Variants in OTOA observed in about 807,000 individuals in gnomAD.
The protein encoded by OTOA is otoancorin.
OTOA carries 70 observed loss-of-function variants against 110.8 expected under a neutral mutation model. That is an observed-to-expected ratio of 0.63 (90% confidence interval 0.52 to 0.77). The LOEUF (loss-of-function observed/expected upper bound fraction) is 0.77. Among genes scored for constraint, OTOA ranks in the 30% least tolerant of loss-of-function variants. The probability of loss-of-function intolerance (pLI) is 0.00; values close to 1 mark genes in which losing one functional copy is unlikely to be tolerated. For missense variants in OTOA, 917 were observed against 1,075.8 expected, an observed-to-expected ratio of 0.85 and a Z score of 2.06; for synonymous variants, 373 against 431.5, an observed-to-expected ratio of 0.86 and a Z score of 1.68.
At chr16:21,731,737 T>C (rs1044315901) in intron 21 of OTOA, among the ~76,000 whole-genome samples, 1 of 152,058 alleles carries the variant, frequency 6.6e-6, no homozygotes, top group African/African-American at 2.4e-5. Context: ...AGTGAATGTT[T>C]GCTGAATGAC....
chr16:21,718,146 C>G lies in OTOA; in HGVS notation c.1630-987C>G, dbSNP rs945030086. The stretch of plus-strand genomic sequence containing the variant: ...CTAATTTTTGTATTTTTTATAGAGA[C>G]AGGGTTTCACCATGTTGGCCAGGCT... On this transcript the variant is annotated intron_variant, in intron 15 of 28. Transcript: ENST00000646100. Among the ~76,000 whole-genome samples, 48 of 152,196 alleles carry G rather than the reference C, an allele frequency of 3.2e-4. 1 individual carries two copies. The Middle Eastern group carries it at 0.01, about 32-fold the overall frequency.
At chr16:21,671,682 A>T (rs1966849384) in intron 1 of OTOA, among the ~76,000 whole-genome samples, 1 of 152,064 alleles carries the variant, frequency 6.6e-6, no homozygotes, top group South Asian at 2.1e-4. Flanking sequence ...GTGATTCAGA[A>T]CAGGTGACTG....
chr16:21,668,214 T>A (rs1966844505), intron 1 of OTOA, among the ~76,000 whole-genome samples: 1 of 152,028 alleles, frequency 6.6e-6, no homozygotes, highest in Admixed American at 6.6e-5. Flanking sequence ...GCTCAAGAGA[T>A]CCTCCCATCT....
intron 21 of OTOA, among the ~76,000 whole-genome samples, chr16:21,734,827 C>G (rs1899234887): frequency 6.6e-6 from 1 of 150,596 alleles, no homozygotes; most frequent in Non-Finnish European, 1.5e-5. Context: ...TAGAGCGAGA[C>G]TCCGTCTAAA....
intron 19 of OTOA, 62 bp from the exon 20 acceptor site, chr16:21,728,179 C>T: frequency 1.9e-6 from 3 of 1,602,628 alleles, no homozygotes; most frequent in Non-Finnish European, 1.7e-6. Flanking sequence ...GGATGTGTTT[C>T]TAATGGCTCA....
At chr16:21,677,498 T>TA (rs891792554) in intron 1 of OTOA, among the ~76,000 whole-genome samples, 2 of 150,102 alleles carry the variant, frequency 1.3e-5, no homozygotes, top group African/African-American at 4.9e-5. Context: ...TTTTTTTTTT[T>TA]TGAGACGGAG....
rs1439320502 is a variant in OTOA, at chr16:21,705,150, C to T, written c.981-19C>T. ...TCTGCGGTTACACCTCCACCACCAT[C>T]CCTCCTCTTCTCACACAGGCTGGGG... On this transcript the variant is annotated intron_variant, in intron 11 of 28. Transcript: ENST00000646100. 1.2e-6 allele frequency: 2 copies of T among 1,614,170 alleles called. No homozygotes were observed. The highest frequency in any genetic ancestry group is 1.7e-5 in the Admixed American group (1 of 60,014).
At chr16:21,716,771 A>T in intron 14 of OTOA, 136 bp from the exon 15 acceptor site, 1 of 968,296 alleles carries the variant, frequency 1.0e-6, no homozygotes, top group East Asian at 2.4e-5. Context: ...TGAAATGGGG[A>T]TGATGCTACT....
chr16:21,667,849 G>A (rs904724187), intron 1 of OTOA, among the ~76,000 whole-genome samples: 2 of 151,974 alleles, frequency 1.3e-5, no homozygotes, highest in Non-Finnish European at 2.9e-5. Context: ...ATTTTCATAT[G>A]TCAATAAATA....
At chr16:21,690,018 G>A (rs1025970156) in intron 8 of OTOA, among the ~76,000 whole-genome samples, 1 of 152,066 alleles carries the variant, frequency 6.6e-6, no homozygotes, top group South Asian at 2.1e-4. Flanking sequence ...GAATTGTAAG[G>A]TGTGGGAATT....
chr16:21,735,154 AAG>A (rs1295522894), intron 21 of OTOA, among the ~76,000 whole-genome samples: 2 of 151,004 alleles, frequency 1.3e-5, no homozygotes, highest in Non-Finnish European at 2.9e-5. Context: ...AAAAAAAAAA[AAG>A]AGACAAGAAA....
At chr16:21,696,769 G>A (rs1188077074) in intron 9 of OTOA, among the ~76,000 whole-genome samples, 1 of 151,874 alleles carries the variant, frequency 6.6e-6, no homozygotes, top group Non-Finnish European at 1.5e-5. Flanking sequence ...TTACAGGTGT[G>A]AGCCACCACA....
chr16:21,760,627 C>A lies in OTOA; in HGVS notation c.*87C>A. ...ATGCTCCAGATGGTGGGACACCCTT[C>A]CCTGGATCCAGACCCTCATCTAGGG... On this transcript the variant is annotated 3_prime_UTR_variant, in exon 29 of 29. Coordinates refer to ENST00000646100, the MANE Select transcript of OTOA (RefSeq NM_144672.4). 5 of 1,219,958 alleles carry A rather than the reference C, an allele frequency of 4.1e-6. No individual in the cohort carries two copies. Among genetic ancestry groups the A allele is most frequent in the Non-Finnish European group, 5.9e-6 (5 of 848,250 alleles). 75.6% of individuals were successfully genotyped at this position (1,219,958 alleles called of 1,614,324 possible).
intron 6 of OTOA, among the ~76,000 whole-genome samples, chr16:21,683,902 G>A (rs1426781793): frequency 6.6e-6 from 1 of 151,538 alleles, no homozygotes; most frequent in Non-Finnish European, 1.5e-5. Context: ...CTGAGTAGCT[G>A]GGACTACAGG....
At chr16:21,680,546 C>G (rs151255712) in intron 5 of OTOA, among the ~76,000 whole-genome samples, 2 of 150,670 alleles carry the variant, frequency 1.3e-5, no homozygotes, top group Admixed American at 6.6e-5. Context: ...AAGAAGCAAA[C>G]GTAAGATTAC....
chr16:21,713,092 T>C (rs1389213518), intron 13 of OTOA, among the ~76,000 whole-genome samples: 2 of 152,054 alleles, frequency 1.3e-5, no homozygotes, highest in South Asian at 2.1e-4. Flanking sequence ...GCCTCCTGAG[T>C]AGCTGGGACC....
chr16:21,711,660 G>A (rs535675659), intron 13 of OTOA, among the ~76,000 whole-genome samples: 2 of 152,226 alleles, frequency 1.3e-5, no homozygotes, highest in East Asian at 1.9e-4. Flanking sequence ...GTAGAGACGA[G>A]GTTTCGCCAT....
intron 8 of OTOA, among the ~76,000 whole-genome samples, chr16:21,690,182 TG>T (rs1897799525): frequency 6.6e-6 from 1 of 152,050 alleles, no homozygotes; most frequent in Non-Finnish European, 1.5e-5. Flanking sequence ...GGAGTGTGTT[TG>T]GGGGTATTTT....
intron 19 of OTOA, 25 bp downstream of exon 19, chr16:21,726,683 C>A: frequency 6.2e-7 from 1 of 1,613,750 alleles, no homozygotes; most frequent in South Asian, 1.1e-5. Flanking sequence ...CCTGGGTGTC[C>A]CCTCCCTCTG....
Sources: allele counts gnomAD v4.1 joint callset (sites outside exome capture counted in the v4.1 genomes callset), GRCh38; gene constraint gnomAD v4.1.1; transcripts MANE v1.5; gene names NCBI Gene and HGNC (gene_info 2026-07-23, HGNC 2026-07-21).